Variants in NOTCH1 observed in about 807,000 individuals in gnomAD.
NOTCH1 encodes the protein notch receptor 1.
Under a neutral mutation model 254.8 loss-of-function variants are expected in NOTCH1, and 37 were observed. That is an observed-to-expected ratio of 0.15 (90% CI 0.11 to 0.19). NOTCH1 has a LOEUF of 0.19. Among genes scored for constraint, NOTCH1 ranks in the 10% least tolerant of loss-of-function variants. The pLI is 1.00. For synonymous variants in NOTCH1, 1,731 were observed against 1,618.1 expected, an observed-to-expected ratio of 1.07 and a Z score of -1.68; for missense variants, 2,972 against 3,708.6, an observed-to-expected ratio of 0.80 and a Z score of 5.16.
intron 1 of NOTCH1, 122 bp from the exon 2 acceptor site, chr9:136,544,224 A>G: frequency 1.1e-6 from 1 of 896,220 alleles, no homozygotes; most frequent in Non-Finnish European, 1.8e-6. Flanking sequence ...CCTACCCCGG[A>G]CGCACTCTGC....
intron 2 of NOTCH1, among the ~76,000 whole-genome samples, chr9:136,538,548 A>T (rs767541536): frequency 1.3e-5 from 2 of 152,254 alleles, no homozygotes; most frequent in Admixed American, 6.5e-5. Flanking sequence ...CGAGGCCGTC[A>T]AACGCAGCCC....
Position 136,497,201 on chromosome 9 carries a change from T to C in NOTCH1, c.6538A>G (p.Arg2180Gly). 2 of 1,612,796 alleles carry C rather than the reference T, an allele frequency of 1.2e-6. No homozygotes were observed. Among genetic ancestry groups the C allele is most frequent in the Non-Finnish European group, 1.7e-6 (2 of 1,179,958 alleles). The change falls in exon 34 of 34, where the codon AGG becomes GGG. Residue 2180 changes from arginine (R) to glycine (G), a missense_variant. Arg to Gly is a moderately radical substitution (Grantham distance 125). This residue lies in a region of NOTCH1 where 529 missense variants were observed against 529.2 expected (regional missense o/e 1.00). Transcript: ENST00000651671. The part of the protein sequence containing the change: ...SKEAKDLKAR[R>G]KKSQDGKGCL... ...CCCTTGCCGTCCTGGGACTTCTTCC[T>C]CCGTGCCTTGAGGTCCTTGGCCTCC...
At chr9:136,504,120 C>A (rs763917972) in intron 26 of NOTCH1, among the ~76,000 whole-genome samples, 3 of 152,226 alleles carry the variant, frequency 2.0e-5, no homozygotes, top group African/African-American at 7.2e-5. Context: ...CATGACCAAG[C>A]GGCATTCTTG....
chr9:136,528,709 C>T (rs572741934), intron 2 of NOTCH1, among the ~76,000 whole-genome samples: 2 of 152,066 alleles, frequency 1.3e-5, no homozygotes, highest in East Asian at 3.9e-4. Flanking sequence ...CACCTGCTCC[C>T]CAGCAGAGCC....
At chr9:136,524,139 T>C (rs541903400) in intron 2 of NOTCH1, among the ~76,000 whole-genome samples, 160 bp from the exon 3 acceptor site, 19 of 152,306 alleles carry the variant, frequency 1.2e-4, no homozygotes, top group African/African-American at 4.3e-4. Context: ...TGATAAAATG[T>C]TCTGGAACCA....
At chr9:136,526,523 G>A (rs1843462724) in intron 2 of NOTCH1, among the ~76,000 whole-genome samples, 2 of 152,334 alleles carry the variant, frequency 1.3e-5, no homozygotes, top group East Asian at 3.9e-4. Flanking sequence ...CGGGGAGGAG[G>A]GGCAGGGGAG....
chr9:136,528,717 G>A (rs533743246), intron 2 of NOTCH1, among the ~76,000 whole-genome samples: 1 of 151,962 alleles, frequency 6.6e-6, no homozygotes, highest in Admixed American at 6.6e-5. Context: ...CCCCAGCAGA[G>A]CCACAGGTCC....
In NOTCH1 at chr9:136,519,993, G is replaced by A. The variant is rs533205891; in HGVS notation, c.743-428C>T. Reference sequence around the variant, plus strand: ...CATGGGGCCAGCAGGCTGCTGGCTGGGGCAGGGTGGGCCCCTCGCAGCCCC... The same window carrying A: ...CATGGGGCCAGCAGGCTGCTGGCTGAGGCAGGGTGGGCCCCTCGCAGCCCC... On this transcript the variant is annotated intron_variant, in intron 4 of 33. Coordinates refer to ENST00000651671, the MANE Select transcript of NOTCH1 (RefSeq NM_017617.5). 8.5e-5 allele frequency among the ~76,000 whole-genome samples: 13 copies of A among 152,246 alleles called. No homozygotes were observed. In the South Asian group the frequency reaches 2.5e-3, roughly 29 times the overall value.
intron 26 of NOTCH1, 88 bp from the exon 27 acceptor site, chr9:136,503,418 C>T: frequency 6.3e-7 from 1 of 1,589,308 alleles, no homozygotes; most frequent in Middle Eastern, 2.0e-4. Flanking sequence ...GACACTGAGG[C>T]CCATGACGCC....
intron 31 of NOTCH1, among the ~76,000 whole-genome samples, 169 bp from the exon 32 acceptor site, chr9:136,499,428 G>A (rs1339970173): frequency 6.6e-6 from 1 of 152,254 alleles, no homozygotes; most frequent in Non-Finnish European, 1.5e-5. Context: ...TGCCCCTGAG[G>A]AGGGGCCCGG....
In NOTCH1 at chr9:136,505,417, A is replaced by G. The variant is rs769705751; in HGVS notation, c.4479T>C (p.Ser1493=). The change falls in exon 25 of 34, where the codon TCT becomes TCC. Residue 1493 remains serine, a synonymous_variant. Transcript: ENST00000651671. ...FNDPWKNCTQ[S]LQCWKYFSDG... is the part of the protein sequence containing the mutation. ...CACTGAAGTACTTCCAGCACTGCAGAGACTGCGTGCAGTTCTTCCAGGGGT... is the reference window on the plus strand; with the variant it reads ...CACTGAAGTACTTCCAGCACTGCAGGGACTGCGTGCAGTTCTTCCAGGGGT... 6.2e-7 allele frequency: 1 copy of G among 1,612,830 alleles called. No homozygotes were observed. The highest frequency in any genetic ancestry group is 1.1e-5 in the South Asian group (1 of 91,088).
rs1255695296 is a variant in NOTCH1 at position 136,518,957 on chromosome 9, TAAA to T, written c.866-136_866-134del. ...CTGACTCCTCCACCCACCGCCAGCCTAAATCACTCCTTCCTCTGCAGGCCCAGC... is the reference window on the plus strand; with the variant it reads ...CTGACTCCTCCACCCACCGCCAGCCTTCACTCCTTCCTCTGCAGGCCCAGC... On this transcript the variant is annotated intron_variant, in intron 5 of 33. Coordinates refer to ENST00000651671, the MANE Select transcript of NOTCH1 (RefSeq NM_017617.5). 30 of 737,288 alleles carry T rather than the reference TAAA, an allele frequency of 4.1e-5. No homozygotes were observed. In the East Asian group the frequency reaches 4.3e-4, roughly 11 times the overall value. The allele number at this position is 737,288 out of a possible 1,614,324, so 45.7% of individuals were successfully genotyped here.
intron 27 of NOTCH1, 160 bp from the exon 28 acceptor site, chr9:136,502,648 A>G (rs374794230): frequency 1.7e-6 from 1 of 577,010 alleles, no homozygotes; most frequent in Admixed American, 3.4e-5. Flanking sequence ...CTACGCGATT[A>G]ATCAGAATTG....
Position 136,496,786 on chromosome 9 carries a change from A to G in NOTCH1, c.6953T>C (p.Met2318Thr). The part of the protein sequence containing the change: ...CEWLSRLQSG[M>T]VPNQYNPLRG... ...CAGAGGGTTGTATTGGTTCGGCACCATGCCGCTCTGCAGCCGGGACAGCCA... is the reference window on the plus strand; with the variant it reads ...CAGAGGGTTGTATTGGTTCGGCACCGTGCCGCTCTGCAGCCGGGACAGCCA... The change falls in exon 34 of 34, where the codon ATG becomes ACG. Residue 2318 changes from methionine to threonine, a missense_variant. Met to Thr is a moderately conservative substitution (Grantham distance 81, BLOSUM62 -1). Transcript: ENST00000651671. 1 of 1,612,892 alleles carries G rather than the reference A, an allele frequency of 6.2e-7. No homozygotes were observed. The highest frequency in any genetic ancestry group is 8.5e-7 in the Non-Finnish European group (1 of 1,179,996).
At chr9:136,523,572 GGGGGCAGGGACCCT>G (rs1361867928) in intron 3 of NOTCH1, 131 bp downstream of exon 3, 12 of 1,033,042 alleles carry the variant, frequency 1.2e-5, no homozygotes, top group African/African-American at 1.1e-4. Flanking sequence ...GGTCTGGGAG[GGGGGCAGGGACCCT>G]GGGGCAGGGG....
chr9:136,543,394 G>A (rs1439740588), intron 2 of NOTCH1: 1 of 252,966 alleles, frequency 4.0e-6, no homozygotes, highest in African/African-American at 2.4e-5. Flanking sequence ...CCCGTGCCCA[G>A]AGGAGGCATC....
rs558914849 is a variant in NOTCH1 at position 136,515,563 on chromosome 9, G to A, written c.1823C>T (p.Ser608Phe). 3.1e-6 allele frequency: 5 copies of A among 1,611,076 alleles called. No individual in the cohort carries two copies. The highest frequency in any genetic ancestry group is 4.2e-6 in the Non-Finnish European group (5 of 1,179,830). The stretch of plus-strand genomic sequence containing the variant: ...GCCCCCGTGGCGGCAGGGCTGGCTG[G>A]AGCACTCGTTGATGTTGGTCTCGCA... The part of the protein sequence containing the change: ...HHCETNINEC[S>F]SQPCRHGGTC... Residue 608 changes from serine to phenylalanine, a missense_variant, in exon 11 of 34, where the codon TCC (serine) becomes TTC (phenylalanine). Ser to Phe is a radical substitution (Grantham distance 155, BLOSUM62 -2). Around this residue, in one of 8 missense-constraint regions of NOTCH1, gnomAD observed 128 missense variants for 193.8 expected, o/e 0.66. Transcript: ENST00000651671.
chr9:136,543,956 T>C (rs2133406025), intron 2 of NOTCH1, 68 bp downstream of exon 2: 1 of 1,409,044 alleles, frequency 7.1e-7, no homozygotes, highest in East Asian at 2.5e-5. Flanking sequence ...TTCTGTCCCC[T>C]GCGCGGCTGC....
At chr9:136,521,603 C>T (rs1395016150) in intron 4 of NOTCH1, among the ~76,000 whole-genome samples, 3 of 152,144 alleles carry the variant, frequency 2.0e-5, no homozygotes, top group Non-Finnish European at 2.9e-5. Flanking sequence ...GGTAGGGTCC[C>T]GTGCTGCTAG....
Sources: gnomAD v4.1 joint callset for allele counts (sites outside exome capture counted in the v4.1 genomes callset) on GRCh38, gnomAD v4.1.1 for gene constraint, gnomAD v4.1.1 regional missense constraint, MANE v1.5 for transcripts, NCBI Gene and HGNC (gene_info 2026-07-23, HGNC 2026-07-21) for gene names.